The following KCNB2 variants were observed in gnomAD, a reference collection of about 807,000 sequenced individuals.
The protein encoded by KCNB2 is potassium voltage-gated channel subfamily B member 2.
A neutral mutation model predicts 61.5 loss-of-function variants in KCNB2; 15 were observed. That is an observed-to-expected ratio of 0.24 (90% CI 0.16 to 0.38). KCNB2 has a LOEUF of 0.38. Among genes scored for constraint, KCNB2 ranks in the 10% least tolerant of loss-of-function variants. The probability of loss-of-function intolerance (pLI) is 1.00; values close to 1 mark genes in which losing one functional copy is unlikely to be tolerated. For synonymous variants in KCNB2, 457 were observed against 446.0 expected (o/e 1.02, Z -0.31); for missense variants, 828 against 1,125.2 (o/e 0.74, Z 3.78).
intron 2 of KCNB2, among the ~76,000 whole-genome samples, chr8:72,850,104 G>A (rs1810068861): frequency 6.6e-6 from 1 of 152,170 alleles, no homozygotes; most frequent in South Asian, 2.1e-4. Flanking sequence ...TTTCAGGGAT[G>A]TTTGTATATA....
intron 2 of KCNB2, among the ~76,000 whole-genome samples, chr8:72,889,806 A>G (rs1805867092): frequency 6.6e-6 from 1 of 152,134 alleles, no homozygotes; most frequent in Non-Finnish European, 1.5e-5. Context: ...GCCCATCTGG[A>G]GTGCAGTGGT....
In KCNB2 at chr8:72,701,033, C is replaced by T. The variant is rs543775835; in HGVS notation, c.579+132720C>T. Among the ~76,000 whole-genome samples the T allele has an allele frequency of 4.6e-5, 7 of 152,140 alleles. No homozygotes were observed. In the East Asian group the frequency reaches 1.4e-3, roughly 29 times the overall value. ...AGTGGGAGTTAAACATTTGGGTACC[C>T]ATGAACGTAAAGATGACAACAATAG... On this transcript the variant is annotated intron_variant, in intron 2 of 2. Transcript: ENST00000523207.
At chr8:72,728,127 T>C (rs1807682573) in intron 2 of KCNB2, among the ~76,000 whole-genome samples, 1 of 152,194 alleles carries the variant, frequency 6.6e-6, no homozygotes, top group Non-Finnish European at 1.5e-5. Flanking sequence ...AGGCCAACTC[T>C]CCTTTTAATT....
intron 2 of KCNB2, among the ~76,000 whole-genome samples, chr8:72,893,149 T>TCA (rs1805929080): frequency 6.6e-6 from 1 of 151,998 alleles, no homozygotes; most frequent in Non-Finnish European, 1.5e-5. Context: ...TGATTTGCTA[T>TCA]TTATGAAGAG....
At chr8:72,815,335 TG>T (rs1401855597) in intron 2 of KCNB2, among the ~76,000 whole-genome samples, 1 of 152,034 alleles carries the variant, frequency 6.6e-6, no homozygotes, top group Admixed American at 6.6e-5. Context: ...CAGACATAAG[TG>T]CTAAAAAAAA....
intron 1 of KCNB2, among the ~76,000 whole-genome samples, chr8:72,559,855 A>C (rs1033663304): frequency 6.6e-6 from 1 of 152,194 alleles, no homozygotes; most frequent in Non-Finnish European, 1.5e-5. Context: ...GTGTATAGAC[A>C]ACTAGAGATC....
At chr8:72,657,902 A>T (rs1406808324) in intron 2 of KCNB2, among the ~76,000 whole-genome samples, 1 of 152,192 alleles carries the variant, frequency 6.6e-6, no homozygotes, top group Non-Finnish European at 1.5e-5. Context: ...TATAAGACAG[A>T]GAATTTAAAT....
rs1806096380 is a variant in KCNB2 at position 72,901,749 on chromosome 8, T to C, written c.580-34186T>C. Reference sequence around the variant, plus strand: ...AGTGGGTTTGCTGAGTCAAGGTATATGCACTTTTGCTGGATGCTGCCAAAC... The same window carrying C: ...AGTGGGTTTGCTGAGTCAAGGTATACGCACTTTTGCTGGATGCTGCCAAAC... On this transcript the variant is annotated intron_variant, in intron 2 of 2. Coordinates refer to ENST00000523207, the MANE Select transcript of KCNB2 (RefSeq NM_004770.3). Among the ~76,000 whole-genome samples the C allele has an allele frequency of 2.0e-5, 3 of 152,198 alleles. No individual in the cohort carries two copies. In the South Asian group the frequency reaches 6.2e-4, roughly 31 times the overall value.
chr8:72,935,487 G>A (rs913592839), intron 2 of KCNB2, among the ~76,000 whole-genome samples: 25 of 152,174 alleles, frequency 1.6e-4, no homozygotes, highest in Non-Finnish European at 5.9e-5. Flanking sequence ...CCAGGTGTCG[G>A]TCTGAGTTTA....
chr8:72,649,349 A>G (rs1806178860), intron 2 of KCNB2, among the ~76,000 whole-genome samples: 8 of 152,150 alleles, frequency 5.3e-5, no homozygotes, highest in Admixed American at 5.2e-4. Context: ...GTCAATTTGC[A>G]AAGGTGAGAT....
At chr8:72,648,477 T>G (rs1806165086) in intron 2 of KCNB2, among the ~76,000 whole-genome samples, 1 of 152,114 alleles carries the variant, frequency 6.6e-6, no homozygotes, top group Non-Finnish European at 1.5e-5. Flanking sequence ...AGGGTCTATG[T>G]TGCCTAGGCT....
At chr8:72,706,137 G>A (rs1317815451) in intron 2 of KCNB2, among the ~76,000 whole-genome samples, 1 of 152,228 alleles carries the variant, frequency 6.6e-6, no homozygotes, top group Non-Finnish European at 1.5e-5. Context: ...GAAGAAGCCT[G>A]CATCTGGTCA....
intron 2 of KCNB2, among the ~76,000 whole-genome samples, chr8:72,639,552 T>C (rs941803176): frequency 1.6e-4 from 24 of 152,220 alleles, no homozygotes; most frequent in African/African-American, 5.8e-4. Context: ...GATACTCTGC[T>C]GAATTACTCT....
At chr8:72,601,286 C>T (rs117831045) in intron 2 of KCNB2, among the ~76,000 whole-genome samples, 7 of 152,082 alleles carry the variant, frequency 4.6e-5, no homozygotes, top group Non-Finnish European at 8.8e-5. Flanking sequence ...ATTTTTTTCA[C>T]GAAATGATTT....
At chr8:72,784,581 A>G (rs369326593) in intron 2 of KCNB2, among the ~76,000 whole-genome samples, 192 of 152,284 alleles carry the variant, frequency 1.3e-3, no homozygotes, top group African/African-American at 4.2e-3. Flanking sequence ...TCTTCACATG[A>G]TGGCAGGAAG....
rs115895847 is a variant in KCNB2, at chr8:72,811,193, A to G, written c.580-124742A>G. Among the ~76,000 whole-genome samples the G allele has an allele frequency of 6.2e-3, 941 of 150,686 alleles. 6 individuals carry two copies. Among genetic ancestry groups the G allele is most frequent in the African/African-American group, 0.021 (866 of 41,018 alleles). On this transcript the variant is annotated intron_variant, in intron 2 of 2. Transcript: ENST00000523207. ...TTTTAACCTTCTTGAAATTAAGTCA[A>G]ATTTTTAAATGGCTTTTCCCATTCT...
At chr8:72,607,267 G>A (rs1805464759) in intron 2 of KCNB2, among the ~76,000 whole-genome samples, 1 of 152,114 alleles carries the variant, frequency 6.6e-6, no homozygotes, top group African/African-American at 2.4e-5. Context: ...AACAGGGATG[G>A]GGCCAGTGGA....
chr8:72,725,557 GTATA>G (rs1204734280), intron 2 of KCNB2, among the ~76,000 whole-genome samples: 100 of 55,008 alleles, frequency 1.8e-3, no homozygotes, highest in African/African-American at 3.2e-3. Context: ...ATATATATAT[GTATA>G]TATGTATATA....
chr8:72,783,583 C>T lies in KCNB2; in HGVS notation c.580-152352C>T, dbSNP rs532695597. 9.9e-4 allele frequency among the ~76,000 whole-genome samples: 150 copies of T among 152,214 alleles called. 1 individual carries two copies. The highest frequency in any genetic ancestry group is 1.5e-3 in the Non-Finnish European group (105 of 67,996). On this transcript the variant is annotated intron_variant, in intron 2 of 2. Coordinates refer to ENST00000523207, the MANE Select transcript of KCNB2 (RefSeq NM_004770.3). ...GTTGCTGAGCCACTATCTGAAGATG[C>T]CCATCCTCCCCACAAATCTTCATCT...
Sources: gnomAD v4.1 joint callset for allele counts (sites outside exome capture counted in the v4.1 genomes callset) on GRCh38, gnomAD v4.1.1 for gene constraint, MANE v1.5 for transcripts, NCBI Gene and HGNC (gene_info 2026-07-23, HGNC 2026-07-21) for gene names.